DYNC1I2: variants seen among roughly 807,000 people sequenced by gnomAD.
DYNC1I2 encodes dynein cytoplasmic 1 intermediate chain 2.
In DYNC1I2, 53 loss-of-function variants were observed where a neutral mutation model predicts 88.6. That is an observed-to-expected ratio of 0.60 (90% CI 0.48 to 0.75). DYNC1I2 has a LOEUF of 0.75. Among genes scored for constraint, DYNC1I2 ranks in the 30% least tolerant of loss-of-function variants. The probability of loss-of-function intolerance (pLI) is 0.00; values close to 1 mark genes in which losing one functional copy is unlikely to be tolerated. For synonymous variants in DYNC1I2, 198 were observed against 254.6 expected, an observed-to-expected ratio of 0.78 and a Z score of 2.12; for missense variants, 458 against 766.6, an observed-to-expected ratio of 0.60 and a Z score of 4.75.
At chr2:171,710,413 C>T (rs946994507) in intron 5 of DYNC1I2, among the ~76,000 whole-genome samples, 1 of 152,168 alleles carries the variant, frequency 6.6e-6, no homozygotes, top group Non-Finnish European at 1.5e-5. Flanking sequence ...TGTGTGCATG[C>T]ACCTGTACGT....
intron 5 of DYNC1I2, among the ~76,000 whole-genome samples, chr2:171,707,944 C>T (rs990140864): frequency 2.0e-5 from 3 of 152,080 alleles, no homozygotes; most frequent in South Asian, 2.1e-4. Flanking sequence ...AATTACATTT[C>T]GTGTTTGTTT....
At chr2:171,717,574 C>CT (rs34629294) in intron 7 of DYNC1I2, among the ~76,000 whole-genome samples, 3 of 152,004 alleles carry the variant, frequency 2.0e-5, no homozygotes, top group Non-Finnish European at 4.4e-5. Context: ...ACACAAGCAA[C>CT]TTTTTTTAAA....
intron 15 of DYNC1I2, 63 bp from the exon 16 acceptor site, chr2:171,743,986 A>G: frequency 1.4e-6 from 2 of 1,388,176 alleles, no homozygotes; most frequent in South Asian, 3.4e-5. Flanking sequence ...TCCCAGTGAT[A>G]AGTAGTTTAA....
Position 171,728,294 on chromosome 2 carries a change from A to G in DYNC1I2, c.1144-11A>G, listed in dbSNP as rs1688379840. On this transcript the variant is annotated splice_polypyrimidine_tract_variant and intron_variant, in intron 12 of 17. Coordinates refer to ENST00000397119, the MANE Select transcript of DYNC1I2 (RefSeq NM_001378.3). ...ACAATAATCCCTGAAAACTTTTTTT[A>G]ATATCTCTAGCACCCTGTATATTGT... The G allele has an allele frequency of 1.3e-6, 2 of 1,496,418 alleles. No individual in the cohort carries two copies. The highest frequency in any genetic ancestry group is 1.4e-5 in the African/African-American group (1 of 70,706). 92.7% of individuals were successfully genotyped at this position (1,496,418 alleles called of 1,614,324 possible).
chr2:171,710,570 A>C (rs1050090869), intron 5 of DYNC1I2, among the ~76,000 whole-genome samples: 32 of 152,346 alleles, frequency 2.1e-4, no homozygotes, highest in African/African-American at 6.0e-4. Context: ...TTTATGAATA[A>C]ATATAAAAGG....
rs1215782506 is a variant in DYNC1I2 at position 171,726,301 on chromosome 2, A to G, written c.870+8A>G. On this transcript the variant is annotated splice_region_variant and intron_variant, in intron 10 of 17. Coordinates refer to ENST00000397119, the MANE Select transcript of DYNC1I2 (RefSeq NM_001378.3). The stretch of plus-strand genomic sequence containing the variant: ...TTGGATTGGTCATCTCAGGTAAAAT[A>G]TAACAAAATAGGCCGCTCTTAACTC... The G allele has an allele frequency of 6.3e-7, 1 of 1,588,004 alleles. No individual in the cohort carries two copies. The highest frequency in any genetic ancestry group is 1.8e-5 in the Admixed American group (1 of 57,028).
intron 3 of DYNC1I2, among the ~76,000 whole-genome samples, chr2:171,701,700 T>C (rs1046147356): frequency 6.6e-6 from 1 of 152,204 alleles, no homozygotes; most frequent in African/African-American, 2.4e-5. Context: ...ATTTTATATA[T>C]GATTTAAACT....
chr2:171,733,185 A>G (rs1019768136), intron 15 of DYNC1I2, among the ~76,000 whole-genome samples: 19 of 152,106 alleles, frequency 1.2e-4, no homozygotes, highest in African/African-American at 3.6e-4. Flanking sequence ...ATTCCTTCTT[A>G]TGGCTTCGTA....
chr2:171,745,636 C>T (rs1689726413), intron 16 of DYNC1I2, among the ~76,000 whole-genome samples, 166 bp from the exon 17 acceptor site: 3 of 152,170 alleles, frequency 2.0e-5, no homozygotes, highest in African/African-American at 7.2e-5. Context: ...ACTATAATGT[C>T]ATTCATAATA....
intron 17 of DYNC1I2, among the ~76,000 whole-genome samples, chr2:171,746,782 A>C (rs925067969): frequency 6.6e-6 from 1 of 151,992 alleles, no homozygotes; most frequent in East Asian, 1.9e-4. Context: ...GCCAGTAGCT[A>C]CCCTACTGGA....
At chr2:171,702,379 C>A (rs576314286) in intron 3 of DYNC1I2, among the ~76,000 whole-genome samples, 1 of 152,280 alleles carries the variant, frequency 6.6e-6, no homozygotes, top group South Asian at 2.1e-4. Context: ...AAGTGCATTT[C>A]ATAATCCTTA....
Position 171,749,852 on chromosome 2 carries a change from A to G in DYNC1I2, c.*1963A>G, listed in dbSNP as rs893789119. Reference sequence around the variant, plus strand: ...ACTATATAATAGCAAAAGAGAAAGTATTGAGACTGTCAGTGTTGATAAAGC... The same window carrying G: ...ACTATATAATAGCAAAAGAGAAAGTGTTGAGACTGTCAGTGTTGATAAAGC... On this transcript the variant is annotated 3_prime_UTR_variant, in exon 18 of 18. Coordinates refer to ENST00000397119, the MANE Select transcript of DYNC1I2 (RefSeq NM_001378.3). Among the ~76,000 whole-genome samples the G allele has an allele frequency of 4.6e-5, 7 of 152,208 alleles. No individual in the cohort carries two copies. The highest frequency in any genetic ancestry group is 8.8e-5 in the Non-Finnish European group (6 of 68,010).
chr2:171,704,357 T>C (rs1477553257), intron 3 of DYNC1I2, among the ~76,000 whole-genome samples: 3 of 151,868 alleles, frequency 2.0e-5, no homozygotes, highest in Non-Finnish European at 4.4e-5. Context: ...TTTTTTTTTT[T>C]CTTCTGTGAC....
chr2:171,745,963 AT>A, intron 17 of DYNC1I2, 36 bp downstream of exon 17: 1 of 1,611,110 alleles, frequency 6.2e-7, no homozygotes, highest in South Asian at 1.1e-5. Context: ...TGACACATCG[AT>A]TTAGTTGCAT....
At chr2:171,722,678 A>G (rs1037845190) in intron 7 of DYNC1I2, among the ~76,000 whole-genome samples, 2 of 152,142 alleles carry the variant, frequency 1.3e-5, no homozygotes, top group Non-Finnish European at 2.9e-5. Flanking sequence ...ACATTTTTTA[A>G]TCTGATGTTA....
intron 3 of DYNC1I2, among the ~76,000 whole-genome samples, chr2:171,694,016 A>T (rs1243937424): frequency 6.8e-6 from 1 of 148,060 alleles, no homozygotes; most frequent in Admixed American, 6.7e-5. Context: ...AGTTTCACTG[A>T]ACTCACTTGT....
chr2:171,733,554 TTC>T, intron 15 of DYNC1I2, among the ~76,000 whole-genome samples: 1 of 149,290 alleles, frequency 6.7e-6, no homozygotes, highest in Non-Finnish European at 1.5e-5. Context: ...TGATTTGCAT[TTC>T]TCTAATGATC....
intron 15 of DYNC1I2, among the ~76,000 whole-genome samples, chr2:171,730,603 A>C (rs2105711704): frequency 6.6e-6 from 1 of 152,340 alleles, no homozygotes; most frequent in South Asian, 2.1e-4. Flanking sequence ...TTATAATTAA[A>C]GTGCCTTAAC....
intron 7 of DYNC1I2, among the ~76,000 whole-genome samples, chr2:171,722,278 TAACTC>T (rs1687949650): frequency 6.6e-6 from 1 of 152,180 alleles, no homozygotes; most frequent in Non-Finnish European, 1.5e-5. Context: ...ATTTTGATGT[TAACTC>T]AAAGTAAAAA....
Sources: gnomAD v4.1 joint callset for allele counts (sites outside exome capture counted in the v4.1 genomes callset) on GRCh38, gnomAD v4.1.1 for gene constraint, MANE v1.5 for transcripts, NCBI Gene and HGNC (gene_info 2026-07-23, HGNC 2026-07-21) for gene names.